The following ALK variants were observed in gnomAD, a reference collection of about 807,000 sequenced individuals.
The protein encoded by ALK is ALK receptor tyrosine kinase, also known as ALK tyrosine kinase receptor.
In ALK, 74 loss-of-function variants were observed where a neutral mutation model predicts 163.1. That is an observed-to-expected ratio of 0.45 (90% CI 0.38 to 0.55). The LOEUF (loss-of-function observed/expected upper bound fraction) is 0.55, where lower values mean the gene tolerates loss of function less well. Ranked by LOEUF, ALK falls within the 20% of genes least tolerant of loss-of-function variation. ALK has a pLI of 0.00. For synonymous variants in ALK, 960 were observed against 843.2 expected (o/e 1.14, Z -2.40); for missense variants, 2,063 against 2,105.3 (o/e 0.98, Z 0.39).
At chr2:29,262,640 G>A (rs115816237) in intron 11 of ALK, among the ~76,000 whole-genome samples, 2,853 of 152,330 alleles carry the variant, frequency 0.019, 42 homozygotes, top group South Asian at 0.098. Flanking sequence ...TGATAATGCT[G>A]AAGTATCCCA....
intron 1 of ALK, among the ~76,000 whole-genome samples, chr2:29,724,573 G>C (rs1240587016): frequency 6.6e-6 from 1 of 152,188 alleles, no homozygotes; most frequent in Admixed American, 6.5e-5. Context: ...TGTTAATTTA[G>C]TCTGAAAAAC....
intron 9 of ALK, chr2:29,286,552 A>G (rs1665862540): frequency 6.6e-6 from 1 of 152,144 alleles, no homozygotes; most frequent in East Asian, 1.9e-4. Context: ...GGTGATCATA[A>G]TGTTCATCCA....
At chr2:29,824,745 T>C (rs1328869159) in intron 1 of ALK, among the ~76,000 whole-genome samples, 1 of 152,252 alleles carries the variant, frequency 6.6e-6, no homozygotes, top group East Asian at 1.9e-4. Flanking sequence ...CTTTTGATTT[T>C]ACAGGCTCGT....
At chr2:29,322,658 A>T (rs917479777) in intron 6 of ALK, among the ~76,000 whole-genome samples, 8 of 152,018 alleles carry the variant, frequency 5.3e-5, no homozygotes, top group African/African-American at 1.9e-4. Flanking sequence ...ACATGGGGAG[A>T]CTCTGTCTTG....
At chr2:29,712,097 G>A (rs4402711) in intron 2 of ALK, among the ~76,000 whole-genome samples, 13,519 of 152,124 alleles carry the variant, frequency 0.089, 1,218 homozygotes, top group African/African-American at 0.23. Flanking sequence ...GTCTCTCCTC[G>A]AAACACCTAA....
intron 4 of ALK, among the ~76,000 whole-genome samples, chr2:29,394,386 C>T (rs1351135791): frequency 6.6e-6 from 1 of 151,794 alleles, no homozygotes. Context: ...AGAGTAGTGA[C>T]CCTGAGAATC....
At chr2:29,352,336 G>A (rs1178869952) in intron 5 of ALK, among the ~76,000 whole-genome samples, 1 of 152,240 alleles carries the variant, frequency 6.6e-6, no homozygotes, top group East Asian at 1.9e-4. Flanking sequence ...TAAAATCTGT[G>A]TGGGGCCTGT....
chr2:29,306,175 G>C (rs1666504368), intron 8 of ALK, among the ~76,000 whole-genome samples: 1 of 152,218 alleles, frequency 6.6e-6, no homozygotes, highest in Non-Finnish European at 1.5e-5. Context: ...AGCTGAACTA[G>C]GCGCTTGCAC....
intron 2 of ALK, among the ~76,000 whole-genome samples, chr2:29,716,330 A>G (rs569893245): frequency 2.0e-4 from 30 of 152,344 alleles, no homozygotes; most frequent in African/African-American, 6.3e-4. Context: ...AAAGACTAAT[A>G]AGGCTTTATG....
intron 4 of ALK, among the ~76,000 whole-genome samples, chr2:29,417,877 G>T (rs138783802): frequency 2.0e-5 from 3 of 152,160 alleles, no homozygotes; most frequent in Admixed American, 1.3e-4. Flanking sequence ...CTTTAGACCC[G>T]AACGCATTTA....
rs377551668 is a variant in ALK at position 29,555,990 on chromosome 2, G to T, written c.953-23874C>A. Among the ~76,000 whole-genome samples, 26 of 152,276 alleles carry T rather than the reference G, an allele frequency of 1.7e-4. No individual in the cohort carries two copies. The South Asian group carries it at 5.4e-3, about 32-fold the overall frequency. Reference sequence around the variant, plus strand: ...AGAAAGAAACAATCTAAAATGCCAGGCTCAAGGATCCGAACATTCAAGAGG... The same window carrying T: ...AGAAAGAAACAATCTAAAATGCCAGTCTCAAGGATCCGAACATTCAAGAGG... On this transcript the variant is annotated intron_variant, in intron 3 of 28. Transcript: ENST00000389048.
At chr2:29,672,574 C>T (rs969448029) in intron 3 of ALK, among the ~76,000 whole-genome samples, 3 of 150,718 alleles carry the variant, frequency 2.0e-5, no homozygotes, top group African/African-American at 7.4e-5. Context: ...TCCAGTCTAT[C>T]ATTGTTGGAC....
intron 5 of ALK, among the ~76,000 whole-genome samples, chr2:29,330,538 G>A (rs1039876344): frequency 7.2e-5 from 11 of 152,218 alleles, no homozygotes; most frequent in African/African-American, 2.7e-4. Context: ...GTTCATGAAT[G>A]CCTGCACATT....
intron 8 of ALK, among the ~76,000 whole-genome samples, chr2:29,311,912 T>C (rs1038815170): frequency 7.9e-5 from 12 of 152,128 alleles, no homozygotes; most frequent in Non-Finnish European, 1.8e-4. Context: ...AAGGGACTTT[T>C]GGCAGATTGG....
chr2:29,220,881 T>A (rs1205740970), intron 22 of ALK, 46 bp from the exon 23 acceptor site: 1 of 1,612,530 alleles, frequency 6.2e-7, no homozygotes, highest in South Asian at 1.1e-5. Context: ...GAGCTGAGTC[T>A]GGGCAAATCT....
intron 3 of ALK, among the ~76,000 whole-genome samples, chr2:29,650,611 T>C (rs1402618129): frequency 1.3e-5 from 2 of 152,138 alleles, no homozygotes; most frequent in South Asian, 2.1e-4. Flanking sequence ...CTCTAAGACA[T>C]GCCAAACAGA....
intron 3 of ALK, among the ~76,000 whole-genome samples, chr2:29,626,579 C>T (rs900031620): frequency 6.6e-6 from 1 of 152,116 alleles, no homozygotes; most frequent in African/African-American, 2.4e-5. Context: ...TGAGAATAGA[C>T]TAAAACAGTC....
intron 4 of ALK, among the ~76,000 whole-genome samples, chr2:29,481,262 A>G (rs1446151831): frequency 6.6e-6 from 1 of 152,238 alleles, no homozygotes; most frequent in African/African-American, 2.4e-5. Context: ...CTTAGTAAGA[A>G]AACAAACTTG....
chr2:29,360,426 C>A (rs1668359887), intron 5 of ALK, among the ~76,000 whole-genome samples: 1 of 152,194 alleles, frequency 6.6e-6, no homozygotes, highest in Admixed American at 6.5e-5. Context: ...GCCTTCTGAC[C>A]TCTGGAGACA....
Sources: gnomAD v4.1 joint callset for allele counts (sites outside exome capture counted in the v4.1 genomes callset) on GRCh38, gnomAD v4.1.1 for gene constraint, MANE v1.5 for transcripts, NCBI Gene and HGNC (gene_info 2026-07-23, HGNC 2026-07-21) for gene names.